The following SLC26A7 variants were observed in gnomAD, a reference collection of about 807,000 sequenced individuals.
The protein encoded by SLC26A7 is anion exchange transporter.
SLC26A7 carries 59 observed loss-of-function variants against 82.5 expected under a neutral mutation model. That is an observed-to-expected ratio of 0.72 (90% confidence interval 0.58 to 0.89). SLC26A7 has a LOEUF of 0.89. SLC26A7 is among the 40% of genes least tolerant of loss of function. The pLI is 0.00. For missense variants in SLC26A7, 820 were observed against 793.0 expected (o/e 1.03, Z -0.41); for synonymous variants, 271 against 274.3 (o/e 0.99, Z 0.12).
chr8:91,255,219 AG>A (rs1445399085), intron 2 of SLC26A7, among the ~76,000 whole-genome samples: 1 of 152,036 alleles, frequency 6.6e-6, no homozygotes, highest in Non-Finnish European at 1.5e-5. Context: ...TAGCTGCCAT[AG>A]GGTTGCCTGA....
At chr8:91,375,337 A>C (rs1052801765) in intron 15 of SLC26A7, among the ~76,000 whole-genome samples, 14 of 152,042 alleles carry the variant, frequency 9.2e-5, no homozygotes, top group African/African-American at 3.4e-4. Flanking sequence ...AAATCTGTGA[A>C]CTTTGTACAC....
chr8:91,322,100 C>G (rs959791649), intron 5 of SLC26A7, among the ~76,000 whole-genome samples: 1 of 152,020 alleles, frequency 6.6e-6, no homozygotes, highest in Non-Finnish European at 1.5e-5. Flanking sequence ...ATAGAGGACT[C>G]TTAATCAGAT....
At chr8:91,364,783 G>A (rs1814145243) in intron 13 of SLC26A7, among the ~76,000 whole-genome samples, 3 of 152,154 alleles carry the variant, frequency 2.0e-5, no homozygotes, top group Admixed American at 2.0e-4. Flanking sequence ...GGATTTGTAG[G>A]AAGATGAAAA....
At chr8:91,253,245 C>T (rs1810707630) in intron 2 of SLC26A7, among the ~76,000 whole-genome samples, 2 of 152,008 alleles carry the variant, frequency 1.3e-5, no homozygotes, top group Admixed American at 1.3e-4. Context: ...TGAGACTATG[C>T]CCTCACTTTT....
chr8:91,215,902 A>G (rs1256046924), intron 1 of SLC26A7, among the ~76,000 whole-genome samples: 1 of 152,190 alleles, frequency 6.6e-6, no homozygotes, highest in Non-Finnish European at 1.5e-5. Context: ...AACAGTTGCA[A>G]TAATGCCACA....
At chr8:91,222,713 T>C (rs899685262) in intron 2 of SLC26A7, among the ~76,000 whole-genome samples, 7 of 152,342 alleles carry the variant, frequency 4.6e-5, no homozygotes, top group Non-Finnish European at 8.8e-5. Flanking sequence ...GCTGACTTGA[T>C]CGTGGTGGAT....
At chr8:91,319,626 G>T (rs1812735288) in intron 5 of SLC26A7, among the ~76,000 whole-genome samples, 1 of 152,206 alleles carries the variant, frequency 6.6e-6, no homozygotes. Context: ...TCAAACAAAA[G>T]CAGACCAAAG....
rs558937182 is a variant in SLC26A7, at chr8:91,395,662, C to T, written c.*565C>T. 3.9e-5 allele frequency: 6 copies of T among 152,254 alleles called. No individual in the cohort carries two copies. The highest frequency in any genetic ancestry group is 9.6e-5 in the African/African-American group (4 of 41,544). The allele number at this position is 152,254 out of a possible 1,614,324, so 9.4% of individuals were successfully genotyped here. A position where few individuals can be genotyped will look rare whatever the true frequency, so the allele number is the denominator to read the frequency against. ...AACGAATGAAAAACTGGAAATAATTCGTTTCCATATCTTTCCATACATCCA... is the reference window on the plus strand; with the variant it reads ...AACGAATGAAAAACTGGAAATAATTTGTTTCCATATCTTTCCATACATCCA... On this transcript the variant is annotated 3_prime_UTR_variant, in exon 19 of 19. Transcript: ENST00000276609.
chr8:91,362,558 A>G, intron 12 of SLC26A7, 99 bp downstream of exon 12: 1 of 787,908 alleles, frequency 1.3e-6, no homozygotes, highest in South Asian at 2.0e-5. Context: ...TTTCTCTGTA[A>G]CATATAGTAC....
At chr8:91,324,025 C>T (rs1348380838) in intron 5 of SLC26A7, among the ~76,000 whole-genome samples, 1 of 151,926 alleles carries the variant, frequency 6.6e-6, no homozygotes, top group Admixed American at 6.6e-5. Flanking sequence ...TGGTGTCTTG[C>T]CTTATCAGCC....
chr8:91,254,087 C>A (rs1810735838), intron 2 of SLC26A7, among the ~76,000 whole-genome samples: 1 of 152,000 alleles, frequency 6.6e-6, no homozygotes, highest in South Asian at 2.1e-4. Flanking sequence ...AATTTGCAGG[C>A]CTCCTGACAA....
chr8:91,358,329 C>CTTTTTTTT (rs71273702), intron 11 of SLC26A7, among the ~76,000 whole-genome samples: 1 of 133,354 alleles, frequency 7.5e-6, no homozygotes, highest in African/African-American at 2.8e-5. Context: ...TTTTCTTTTT[C>CTTTTTTTT]TTTTTTTTTT....
Position 91,363,482 on chromosome 8 carries a change from G to GT in SLC26A7, c.1433dup (p.Ser479LysfsTer11). The GT allele has an allele frequency of 6.7e-7, 1 of 1,498,176 alleles. No homozygotes were observed. The highest frequency in any genetic ancestry group is 1.4e-5 in the African/African-American group (1 of 71,766). 92.8% of individuals were successfully genotyped at this position (1,498,176 alleles called of 1,614,324 possible). On this transcript the variant is annotated frameshift_variant, in exon 13 of 19. Transcript: ENST00000276609. LOFTEE classifies it high-confidence loss of function. ...CTGCTTTAATTTCAGAGCAATGACT[G>GT]TAAGTATAAAAAATATGAAAGAAAT...
At chr8:91,343,248 C>G (rs547930373) in intron 8 of SLC26A7, 105 bp from the exon 9 acceptor site, 2 of 706,930 alleles carry the variant, frequency 2.8e-6, no homozygotes, top group South Asian at 3.8e-5. Context: ...GTGGGGAGAA[C>G]AAAATCTGAA....
chr8:91,369,652 G>T, intron 14 of SLC26A7, 133 bp from the exon 15 acceptor site: 1 of 576,274 alleles, frequency 1.7e-6, no homozygotes. Flanking sequence ...ATTCTGAAAA[G>T]AATGCTAGTG....
intron 2 of SLC26A7, among the ~76,000 whole-genome samples, chr8:91,288,733 A>G (rs1470809491): frequency 2.6e-5 from 4 of 152,152 alleles, no homozygotes; most frequent in African/African-American, 9.7e-5. Context: ...CTCATCTGTC[A>G]GGGGTAAATC....
intron 2 of SLC26A7, among the ~76,000 whole-genome samples, chr8:91,223,057 T>G (rs1472895434): frequency 1.3e-5 from 2 of 152,166 alleles, no homozygotes; most frequent in Non-Finnish European, 2.9e-5. Context: ...TCTGGTTTAG[T>G]CTTAGTAGGG....
intron 2 of SLC26A7, among the ~76,000 whole-genome samples, chr8:91,226,302 A>G (rs1435246696): frequency 6.6e-6 from 1 of 152,218 alleles, no homozygotes; most frequent in East Asian, 1.9e-4. Flanking sequence ...CTAGACAACA[A>G]GGAACATGCA....
chr8:91,360,714 G>A (rs1206041031), intron 11 of SLC26A7, among the ~76,000 whole-genome samples: 4 of 152,106 alleles, frequency 2.6e-5, no homozygotes, highest in African/African-American at 9.7e-5. Context: ...AGGATCCTTA[G>A]TTCCCTATGC....
Sources: allele counts gnomAD v4.1 joint callset (sites outside exome capture counted in the v4.1 genomes callset), GRCh38; gene constraint gnomAD v4.1.1; transcripts MANE v1.5; gene names NCBI Gene and HGNC (gene_info 2026-07-23, HGNC 2026-07-21).